THTPA: variants seen among roughly 807,000 people sequenced by gnomAD.
The protein encoded by THTPA is thiamine-triphosphatase.
A neutral mutation model predicts 16.5 loss-of-function variants in THTPA; 16 were observed. The ratio of observed to expected loss-of-function variants is 0.97; its 90% CI spans 0.66 to 1.47. The LOEUF (loss-of-function observed/expected upper bound fraction) is 1.47. Among genes scored for constraint, THTPA ranks in the 40% most tolerant of loss-of-function variants. THTPA has a pLI of 0.00. For missense variants in THTPA, 281 were observed against 280.9 expected (o/e 1.00, Z 0.00); for synonymous variants, 110 against 115.5 (o/e 0.95, Z 0.30).
the THTPA span, chr14:23,532,547 C>T: frequency 3.5e-6 from 5 of 1,430,596 alleles, no homozygotes; most frequent in African/African-American, 1.4e-5. Context: ...TTCCGATGGC[C>T]CTTCCTGACC....
chr14:23,533,141 C>CT, the THTPA span: 2 of 1,465,174 alleles, frequency 1.4e-6, no homozygotes, highest in South Asian at 1.4e-5. The surrounding 1 kb of genome is among the most constrained non-coding windows in gnomAD (Gnocchi z 4.8). Context: ...GGTTGGTTCT[C>CT]TATGTGGGGA....
the THTPA span, chr14:23,526,525 G>A: frequency 1.0e-5 from 16 of 1,535,794 alleles, no homozygotes; most frequent in South Asian, 4.8e-5. Context: ...GAGGAGCTAC[G>A]TCTTCAGCTT....
In THTPA at chr14:23,556,763, C is replaced by G. The variant is rs770661450; in HGVS notation, c.6C>G (p.Ala2=). Residue 2 remains alanine (A), a synonymous_variant, in exon 1 of 2, where the codon GCC becomes GCG. Coordinates refer to ENST00000288014, the MANE Select transcript of THTPA (RefSeq NM_024328.6). ...TTCAGCCAATTGCAGGTAGCATGGC[C>G]CAGGGCTTGATTGAGGTGGAGCGAA... M[A]QGLIEVERKF... is the part of the protein sequence containing the mutation. 2.0e-5 allele frequency: 32 copies of G among 1,612,788 alleles called. No individual in the cohort carries two copies. Among genetic ancestry groups the G allele is most frequent in the Middle Eastern group, 1.6e-4 (1 of 6,076 alleles).
the THTPA span, chr14:23,529,805 C>G: frequency 6.5e-7 from 1 of 1,528,000 alleles, no homozygotes; most frequent in Non-Finnish European, 8.8e-7. Flanking sequence ...GGAACCCTGA[C>G]AGCCCTCAAG....
rs1393972863 is a variant in THTPA at position 23,559,325 on chromosome 14, T to G, written c.*485T>G. On this transcript the variant is annotated 3_prime_UTR_variant, in exon 2 of 2. Coordinates refer to ENST00000288014, the MANE Select transcript of THTPA (RefSeq NM_024328.6). Reference sequence around the variant, plus strand: ...ATCGCTGTTAGAACTCTAGAAATTCTAATCTGACTTTGCCACTGTGCCCAG... The same window carrying G: ...ATCGCTGTTAGAACTCTAGAAATTCGAATCTGACTTTGCCACTGTGCCCAG... 1 of 224,114 alleles carries G rather than the reference T, an allele frequency of 4.5e-6. No individual in the cohort carries two copies. The highest frequency in any genetic ancestry group is 9.0e-6 in the Non-Finnish European group (1 of 111,134). The allele number at this position is 224,114 out of a possible 1,614,324, so 13.9% of individuals were successfully genotyped here.
the THTPA span, chr14:23,533,839 G>C: frequency 6.5e-7 from 1 of 1,540,622 alleles, no homozygotes; most frequent in African/African-American, 1.4e-5. The surrounding 1 kb of genome is among the most constrained non-coding windows in gnomAD (Gnocchi z 4.8). Context: ...CTCTCCACGA[G>C]CAAGGCGGGG....
At chr14:23,513,976 A>G in the THTPA span, 2 of 152,764 alleles carry the variant, frequency 1.3e-5, no homozygotes, top group African/African-American at 4.8e-5. Flanking sequence ...CACCGTACCC[A>G]GGGAGAACTT....
chr14:23,529,442 C>G, the THTPA span: 1 of 454,670 alleles, frequency 2.2e-6, no homozygotes, highest in Non-Finnish European at 4.0e-6. Context: ...CTCTTTCCTA[C>G]TCTCAGCACA....
Position 23,558,738 on chromosome 14 carries a change from T to A in THTPA, c.591T>A (p.Tyr197Ter). 1 of 1,614,240 alleles carries A rather than the reference T, an allele frequency of 6.2e-7. No homozygotes were observed. The highest frequency in any genetic ancestry group is 8.5e-7 in the Non-Finnish European group (1 of 1,180,046). The change falls in exon 2 of 2, where the codon TAT becomes TAA. Residue 197 changes from tyrosine to a stop codon, truncating the protein, a stop_gained. Transcript: ENST00000288014. LOFTEE classifies it low-confidence loss of function (END_TRUNC). ...CAGCACCAGCCAAGCTGATTGTGTA[T>A]CTACAGCGTTTCCGGCCTCAAGACT... ...QETAPAKLIV[Y>*]LQRFRPQDYQ...
the THTPA span, among the ~76,000 whole-genome samples, chr14:23,520,404 G>A: frequency 4.3e-4 from 65 of 150,796 alleles, no homozygotes; most frequent in South Asian, 0.013. This position sits in a 1 kb window ranked among gnomAD's most constrained non-coding sequence, Gnocchi z 8.7. Context: ...CAGGGGGGCA[G>A]CAGGGTTAGG....
At chr14:23,519,189 G>T in the THTPA span, among the ~76,000 whole-genome samples, 2 of 152,022 alleles carry the variant, frequency 1.3e-5, no homozygotes, top group Admixed American at 6.6e-5. Flanking sequence ...ATCAACTCTC[G>T]GTGAAAACAC....
At position 23,558,877 on chromosome 14, in the gene THTPA, TC is replaced by T. The variant is rs762037137; in HGVS notation, c.*38del. 6.8e-6 allele frequency: 11 copies of T among 1,611,274 alleles called. No homozygotes were observed. Among genetic ancestry groups the T allele is most frequent in the Non-Finnish European group, 9.3e-6 (11 of 1,178,642 alleles). On this transcript the variant is annotated 3_prime_UTR_variant, in exon 2 of 2. Coordinates refer to ENST00000288014, the MANE Select transcript of THTPA (RefSeq NM_024328.6). Reference sequence around the variant, plus strand: ...CCTAGAAGGGGAAGGGAACTCTGGGTCTAACGGAGTCCACTCCTGGGCCCAC... The same window carrying T: ...CCTAGAAGGGGAAGGGAACTCTGGGTTAACGGAGTCCACTCCTGGGCCCAC...
the THTPA span, chr14:23,525,758 G>C: frequency 6.6e-7 from 1 of 1,507,070 alleles, no homozygotes; most frequent in Admixed American, 2.1e-5. The surrounding 1 kb of genome is among the most constrained non-coding windows in gnomAD (Gnocchi z 5.9). Flanking sequence ...GGGTGGAGGA[G>C]GAGGGGTGGC....
chr14:23,534,281 G>A, the THTPA span: 9 of 1,532,382 alleles, frequency 5.9e-6, no homozygotes, highest in South Asian at 9.5e-5. The surrounding 1 kb of genome is among the most constrained non-coding windows in gnomAD (Gnocchi z 4.5). Flanking sequence ...GTGGCTGTGG[G>A]TGGAGAGGGT....
At chr14:23,522,531 T>C in the THTPA span, 1 of 1,528,214 alleles carries the variant, frequency 6.5e-7, no homozygotes, top group South Asian at 1.2e-5. Flanking sequence ...ATGGGGTTCA[T>C]GGGAAATAGC....
At chr14:23,546,929 G>C in the THTPA span, among the ~76,000 whole-genome samples, 1 of 152,160 alleles carries the variant, frequency 6.6e-6, no homozygotes, top group Non-Finnish European at 1.5e-5. The surrounding 1 kb of genome is among the most constrained non-coding windows in gnomAD (Gnocchi z 4.7). Context: ...TAGCCAGACT[G>C]TCCTCCAGCA....
At chr14:23,527,928 A>C in the THTPA span, 1 of 687,230 alleles carries the variant, frequency 1.5e-6, no homozygotes, top group East Asian at 3.1e-5. Context: ...TTTTTTTTAG[A>C]TGGAGTCTGG....
rs550914750 is a variant in THTPA at position 23,558,764 on chromosome 14, A to G, written c.617A>G (p.Tyr206Cys). Residue 206 changes from tyrosine to cysteine, a missense_variant, in exon 2 of 2, where the codon TAT (tyrosine) becomes TGT (cysteine). By Grantham distance (194) the Tyr-to-Cys change is radical. Transcript: ENST00000288014. Reference sequence around the variant, plus strand: ...CTACAGCGTTTCCGGCCTCAAGACTATCAGCGCCTGCTAGAAGTGAACAGC... The same window carrying G: ...CTACAGCGTTTCCGGCCTCAAGACTGTCAGCGCCTGCTAGAAGTGAACAGC... ...VYLQRFRPQD[Y>C]QRLLEVNSSR... 12 of 1,614,238 alleles carry G rather than the reference A, an allele frequency of 7.4e-6. No homozygotes were observed. Among genetic ancestry groups the G allele is most frequent in the South Asian group, 1.1e-5 (1 of 91,090 alleles).
the THTPA span, among the ~76,000 whole-genome samples, chr14:23,539,987 C>G: frequency 6.6e-6 from 1 of 152,160 alleles, no homozygotes; most frequent in African/African-American, 2.4e-5. Context: ...GCCTTCCAAA[C>G]AGTTGTTTTT....
Sources: gnomAD v4.1 joint callset for allele counts (sites outside exome capture counted in the v4.1 genomes callset) on GRCh38, gnomAD v4.1.1 for gene constraint, Gnocchi (gnomAD v3.1) non-coding constraint, MANE v1.5 for transcripts, NCBI Gene and HGNC (gene_info 2026-07-23, HGNC 2026-07-21) for gene names.